Variants in FRMD4A observed in about 807,000 individuals in gnomAD.
FRMD4A encodes the protein FERM domain-containing protein 4A.
Under a neutral mutation model 129.1 loss-of-function variants are expected in FRMD4A, and 29 were observed. That is an observed-to-expected ratio of 0.22 (90% CI 0.17 to 0.31). The LOEUF is 0.31. FRMD4A is among the 10% of genes least tolerant of loss of function. The pLI, the probability that FRMD4A is intolerant of heterozygous loss-of-function variation, is 1.00. For missense variants in FRMD4A, 1,272 were observed against 1,375.8 expected (o/e 0.92, Z 1.19); for synonymous variants, 634 against 571.6 (o/e 1.11, Z -1.56).
chr10:13,654,157 C>T (rs931111284), intron 23 of FRMD4A: 16 of 559,820 alleles, frequency 2.9e-5, no homozygotes, highest in Non-Finnish European at 3.8e-5. Context: ...AGTCCCACTT[C>T]GTGCTTCCAT....
At chr10:14,240,308 A>T (rs960846778) in intron 2 of FRMD4A, among the ~76,000 whole-genome samples, 1 of 152,106 alleles carries the variant, frequency 6.6e-6, no homozygotes, top group Non-Finnish European at 1.5e-5. Flanking sequence ...GATTTCTCAG[A>T]CTTTCCTCCA....
At chr10:13,769,649 G>A (rs1405011006) in intron 6 of FRMD4A, among the ~76,000 whole-genome samples, 2 of 152,142 alleles carry the variant, frequency 1.3e-5, no homozygotes, top group Non-Finnish European at 2.9e-5. Context: ...ATGTGTCTAC[G>A]AGGGTGTTTC....
intron 2 of FRMD4A, among the ~76,000 whole-genome samples, chr10:14,135,243 T>G (rs1467671491): frequency 6.6e-6 from 1 of 152,156 alleles, no homozygotes; most frequent in Admixed American, 6.5e-5. Context: ...GTAACCTAGC[T>G]TAATAGTCAA....
intron 5 of FRMD4A, among the ~76,000 whole-genome samples, chr10:13,786,400 T>A (rs977420971): frequency 2.0e-5 from 3 of 152,072 alleles, no homozygotes; most frequent in Admixed American, 2.0e-4. Flanking sequence ...AGGTCAGGAG[T>A]TCGAGACCAG....
chr10:13,955,449 C>T (rs191840166), intron 2 of FRMD4A, among the ~76,000 whole-genome samples: 10 of 152,292 alleles, frequency 6.6e-5, no homozygotes, highest in East Asian at 5.8e-4. Context: ...GGTGATCCAT[C>T]GTACTCCTAA....
At chr10:13,849,106 C>T (rs185588728) in intron 3 of FRMD4A, among the ~76,000 whole-genome samples, 5 of 152,258 alleles carry the variant, frequency 3.3e-5, no homozygotes, top group African/African-American at 4.8e-5. Flanking sequence ...ATGATGGGAT[C>T]GCAGTGAGGT....
chr10:14,224,266 C>A (rs892868343), intron 2 of FRMD4A, among the ~76,000 whole-genome samples: 2 of 152,212 alleles, frequency 1.3e-5, no homozygotes, highest in South Asian at 4.1e-4. Flanking sequence ...TTGCAGACAC[C>A]TGCAGCTCTG....
intron 2 of FRMD4A, among the ~76,000 whole-genome samples, chr10:13,874,737 C>A (rs2094472641): frequency 6.6e-6 from 1 of 152,162 alleles, no homozygotes; most frequent in African/African-American, 2.4e-5. Context: ...GAATTTTCCC[C>A]ATCGAAACAA....
chr10:14,041,899 T>C (rs2131675350), intron 2 of FRMD4A, among the ~76,000 whole-genome samples: 1 of 152,252 alleles, frequency 6.6e-6, no homozygotes, highest in South Asian at 2.1e-4. Context: ...GAACAGGGGC[T>C]ATGTTTGTGG....
chr10:14,200,441 C>T (rs1328311817), intron 2 of FRMD4A, among the ~76,000 whole-genome samples: 1 of 152,034 alleles, frequency 6.6e-6, no homozygotes, highest in African/African-American at 2.4e-5. Context: ...CCACAGGCAC[C>T]CCCACCTTGC....
chr10:14,047,178 A>G (rs1339123027), intron 2 of FRMD4A, among the ~76,000 whole-genome samples: 1 of 152,222 alleles, frequency 6.6e-6, no homozygotes, highest in Non-Finnish European at 1.5e-5. Context: ...AAATTCACCA[A>G]TGCAAATTGC....
At chr10:14,224,164 G>GA (rs201556473) in intron 2 of FRMD4A, among the ~76,000 whole-genome samples, 88 of 151,222 alleles carry the variant, frequency 5.8e-4, no homozygotes, top group African/African-American at 1.9e-3. Flanking sequence ...TCTGCCAAAA[G>GA]AAAAAAAAAG....
chr10:13,890,968 G>T, intron 2 of FRMD4A: 1 of 413,056 alleles, frequency 2.4e-6, no homozygotes, highest in Non-Finnish European at 3.3e-6. Context: ...GTTACGCACA[G>T]GCAGCCCACG....
chr10:14,195,253 T>C (rs866055045), intron 2 of FRMD4A, among the ~76,000 whole-genome samples: 1 of 152,160 alleles, frequency 6.6e-6, no homozygotes, highest in Non-Finnish European at 1.5e-5. Flanking sequence ...ATATTACCTG[T>C]TATAATCCAG....
chr10:13,920,686 A>G (rs1474100325), intron 2 of FRMD4A, among the ~76,000 whole-genome samples: 1 of 152,196 alleles, frequency 6.6e-6, no homozygotes, highest in Admixed American at 6.5e-5. Context: ...GTGTTCTCCC[A>G]TGGGAACATT....
intron 2 of FRMD4A, among the ~76,000 whole-genome samples, chr10:14,197,973 G>C (rs1426679127): frequency 6.6e-6 from 1 of 152,184 alleles, no homozygotes; most frequent in Non-Finnish European, 1.5e-5. Context: ...CTGGCTCTTT[G>C]GTGAGCTGGG....
intron 3 of FRMD4A, among the ~76,000 whole-genome samples, chr10:13,826,030 C>T (rs2093695526): frequency 6.6e-6 from 1 of 152,174 alleles, no homozygotes; most frequent in South Asian, 2.1e-4. Context: ...CAGTTCTACC[C>T]GATGTGTACC....
intron 2 of FRMD4A, among the ~76,000 whole-genome samples, chr10:14,128,198 G>A (rs778276100): frequency 1.7e-4 from 25 of 151,162 alleles, no homozygotes; most frequent in Non-Finnish European, 3.2e-4. Flanking sequence ...CCACTTCCGG[G>A]CCTCAAGCAA....
intron 20 of FRMD4A, 24 bp from the exon 21 acceptor site, chr10:13,659,514 G>A: frequency 5.6e-6 from 9 of 1,604,256 alleles, no homozygotes; most frequent in Non-Finnish European, 7.7e-6. Context: ...GATGCCACGT[G>A]GTCACCGCCA....
Sources: gnomAD v4.1 joint callset for allele counts (sites outside exome capture counted in the v4.1 genomes callset) on GRCh38, gnomAD v4.1.1 for gene constraint, MANE v1.5 for transcripts, NCBI Gene and HGNC (gene_info 2026-07-23, HGNC 2026-07-21) for gene names.